The following SLC44A5 variants were observed in gnomAD, a reference collection of about 807,000 sequenced individuals.
The protein encoded by SLC44A5 is choline transporter-like protein 5.
Under a neutral mutation model 101.8 loss-of-function variants are expected in SLC44A5, and 57 were observed. The ratio of observed to expected loss-of-function variants is 0.56; its 90% CI spans 0.45 to 0.70. The LOEUF (loss-of-function observed/expected upper bound fraction) is 0.70, where lower values mean the gene tolerates loss of function less well. Among genes scored for constraint, SLC44A5 ranks in the 30% least tolerant of loss-of-function variants. The pLI is 0.00. For synonymous variants in SLC44A5, 281 were observed against 290.9 expected (o/e 0.97, Z 0.35); for missense variants, 737 against 853.1 (o/e 0.86, Z 1.70).
chr1:75,257,104 T>C (rs1650084078), intron 6 of SLC44A5, among the ~76,000 whole-genome samples: 1 of 152,166 alleles, frequency 6.6e-6, no homozygotes, highest in Admixed American at 6.5e-5. Flanking sequence ...CCATTGCTTT[T>C]ATTATAAACT....
At chr1:75,246,730 A>G (rs1161609719) in intron 7 of SLC44A5, among the ~76,000 whole-genome samples, 4 of 152,034 alleles carry the variant, frequency 2.6e-5, no homozygotes, top group Non-Finnish European at 4.4e-5. Context: ...AGAAGGTAAC[A>G]TTTGCAGAAA....
At chr1:75,235,211 C>G (rs1285809094) in intron 11 of SLC44A5, among the ~76,000 whole-genome samples, 1 of 151,406 alleles carries the variant, frequency 6.6e-6, no homozygotes, top group East Asian at 1.9e-4. Flanking sequence ...ATGGCCTAGC[C>G]CAAGGGAAGT....
At chr1:75,212,860 G>A (rs894257485) in intron 22 of SLC44A5, among the ~76,000 whole-genome samples, 2 of 118,760 alleles carry the variant, frequency 1.7e-5, no homozygotes, top group African/African-American at 6.4e-5. Context: ...AGATACTGCA[G>A]GGCTTCACCC....
chr1:75,619,739 T>A, the SLC44A5 span, among the ~76,000 whole-genome samples: 5 of 152,128 alleles, frequency 3.3e-5, no homozygotes, highest in Admixed American at 2.6e-4. Flanking sequence ...GCATCTAATG[T>A]CCCTAGAATT....
At chr1:75,334,390 C>G (rs528988726) in intron 4 of SLC44A5, among the ~76,000 whole-genome samples, 2 of 152,272 alleles carry the variant, frequency 1.3e-5, no homozygotes, top group South Asian at 2.1e-4. Context: ...GAAAGCAAGA[C>G]AGCATTTAAA....
intron 22 of SLC44A5, among the ~76,000 whole-genome samples, chr1:75,211,920 T>G (rs1288491681): frequency 6.6e-6 from 1 of 151,346 alleles, no homozygotes; most frequent in East Asian, 2.0e-4. Context: ...CTTTCTTCCT[T>G]TCTTCTTTCT....
At chr1:75,295,958 C>A (rs1016657971) in intron 5 of SLC44A5, among the ~76,000 whole-genome samples, 1 of 152,114 alleles carries the variant, frequency 6.6e-6, no homozygotes, top group African/African-American at 2.4e-5. Flanking sequence ...AGTTTAATAT[C>A]AAAAATGATG....
chr1:75,283,111 A>G (rs1380520829), intron 5 of SLC44A5, among the ~76,000 whole-genome samples: 1 of 152,104 alleles, frequency 6.6e-6, no homozygotes, highest in Non-Finnish European at 1.5e-5. Context: ...GTACTAGTTT[A>G]CATTCCCACC....
At chr1:75,715,070 C>T in the SLC44A5 span, among the ~76,000 whole-genome samples, 1 of 152,090 alleles carries the variant, frequency 6.6e-6, no homozygotes, top group African/African-American at 2.4e-5. Context: ...GAACAAAATA[C>T]CTAGAAATAT....
chr1:75,221,712 T>G (rs1397751588), intron 14 of SLC44A5, among the ~76,000 whole-genome samples: 1 of 152,180 alleles, frequency 6.6e-6, no homozygotes, highest in Non-Finnish European at 1.5e-5. Flanking sequence ...TTACATGTAA[T>G]CTAGCTAACT....
chr1:75,328,526 G>C (rs1443115572), intron 4 of SLC44A5, among the ~76,000 whole-genome samples: 2 of 152,132 alleles, frequency 1.3e-5, no homozygotes, highest in Non-Finnish European at 2.9e-5. Flanking sequence ...CACCATGTAT[G>C]GGCTACCTCC....
chr1:75,423,835 T>C (rs1347714834), intron 2 of SLC44A5, among the ~76,000 whole-genome samples: 1 of 152,236 alleles, frequency 6.6e-6, no homozygotes, highest in African/African-American at 2.4e-5. Flanking sequence ...CAAGAACCTA[T>C]TAACCCATCC....
chr1:75,631,468 G>A, the SLC44A5 span, among the ~76,000 whole-genome samples: 1 of 151,184 alleles, frequency 6.6e-6, no homozygotes, highest in Non-Finnish European at 1.5e-5. Flanking sequence ...CACCTCCTGG[G>A]CTCAAGCCAT....
the SLC44A5 span, among the ~76,000 whole-genome samples, chr1:75,706,602 CTGT>C: frequency 1.3e-5 from 2 of 151,950 alleles, no homozygotes; most frequent in Non-Finnish European, 2.9e-5. Flanking sequence ...GGCCCTGCTT[CTGT>C]TATTAAACAC....
intron 1 of SLC44A5, among the ~76,000 whole-genome samples, chr1:75,550,037 A>G (rs79179996): frequency 1.3e-5 from 2 of 152,268 alleles, no homozygotes; most frequent in African/African-American, 4.8e-5. Context: ...TAAGTGAAGA[A>G]AAAAACATAG....
At chr1:75,599,034 C>T (rs1224651089) in intron 1 of SLC44A5, among the ~76,000 whole-genome samples, 1 of 152,064 alleles carries the variant, frequency 6.6e-6, no homozygotes, top group Non-Finnish European at 1.5e-5. Context: ...TAAATTAATG[C>T]AATTGAATAT....
At chr1:75,440,767 G>A (rs916741796) in intron 2 of SLC44A5, among the ~76,000 whole-genome samples, 3 of 151,606 alleles carry the variant, frequency 2.0e-5, no homozygotes, top group Non-Finnish European at 4.4e-5. Context: ...CAAGAATGAG[G>A]GCAAGAAAAA....
chr1:75,676,635 C>A, the SLC44A5 span, among the ~76,000 whole-genome samples: 1 of 152,136 alleles, frequency 6.6e-6, no homozygotes, highest in Non-Finnish European at 1.5e-5. Flanking sequence ...CAGCAAATCA[C>A]CATGGTACAC....
the SLC44A5 span, among the ~76,000 whole-genome samples, chr1:75,635,806 A>T: frequency 7.9e-6 from 1 of 126,666 alleles, no homozygotes; most frequent in African/African-American, 3.2e-5. Flanking sequence ...TTAAAGTATA[A>T]TAATAATAAA....
Sources: allele counts gnomAD v4.1 joint callset (sites outside exome capture counted in the v4.1 genomes callset), GRCh38; gene constraint gnomAD v4.1.1; transcripts MANE v1.5; gene names NCBI Gene and HGNC (gene_info 2026-07-23, HGNC 2026-07-21).